The following SMOC2 variants were observed in gnomAD, a reference collection of about 807,000 sequenced individuals.
The protein encoded by SMOC2 is SPARC-related modular calcium-binding protein 2.
In SMOC2, 39 loss-of-function variants were observed where a neutral mutation model predicts 61.4. The observed-to-expected ratio is 0.64, with a 90% CI of 0.49 to 0.83. The LOEUF (loss-of-function observed/expected upper bound fraction) is 0.83, where lower values mean the gene tolerates loss of function less well. Ranked by LOEUF, SMOC2 falls within the 40% of genes least tolerant of loss-of-function variation. The probability of loss-of-function intolerance (pLI) is 0.00; values close to 1 mark genes in which losing one functional copy is unlikely to be tolerated. For synonymous variants in SMOC2, 247 were observed against 239.9 expected, an observed-to-expected ratio of 1.03 and a Z score of -0.27; for missense variants, 556 against 592.9, an observed-to-expected ratio of 0.94 and a Z score of 0.65.
rs1260962447 is a variant in SMOC2, at chr6:168,551,246, C to T, written c.637+2043C>T. 3.3e-5 allele frequency among the ~76,000 whole-genome samples: 5 copies of T among 152,204 alleles called. No individual in the cohort carries two copies. The East Asian group carries it at 7.7e-4, about 24-fold the overall frequency. Reference sequence around the variant, plus strand: ...TGAGGCCTCCCCAGCAATGCTGAACCGTGAGTCCATTAAACCTCTTTCGTT... The same window carrying T: ...TGAGGCCTCCCCAGCAATGCTGAACTGTGAGTCCATTAAACCTCTTTCGTT... On this transcript the variant is annotated intron_variant, in intron 7 of 12. Coordinates refer to ENST00000356284, the MANE Select transcript of SMOC2 (RefSeq NM_001166412.2).
At chr6:168,539,847 C>G (rs1783837484) in intron 4 of SMOC2, among the ~76,000 whole-genome samples, 1 of 152,192 alleles carries the variant, frequency 6.6e-6, no homozygotes. Flanking sequence ...TGCTCAAAGT[C>G]AGCTCTCCTG....
chr6:168,599,311 C>CA lies in SMOC2; in HGVS notation c.824+307_824+308insA, dbSNP rs1562372462. ...ACACACACACATACCACACACACAC[C>CA]CCCACACTGTTTCACACACACTCAT... is the stretch of plus-strand genomic sequence containing the variant. On this transcript the variant is annotated intron_variant, in intron 8 of 12. Transcript: ENST00000356284. 6.4e-3 allele frequency among the ~76,000 whole-genome samples: 695 copies of CA among 108,928 alleles called. 5 individuals carry two copies. Among genetic ancestry groups the CA allele is most frequent in the Non-Finnish European group, 9.9e-3 (503 of 50,760 alleles). The allele number at this position is 108,928 out of a possible 152,430, so 71.5% of individuals were successfully genotyped here.
rs946329188 is a variant in SMOC2, at chr6:168,441,308, TCC to T, written c.-61_-60del. 7 of 1,471,964 alleles carry T rather than the reference TCC, an allele frequency of 4.8e-6. No homozygotes were observed. The Admixed American group carries it at 1.4e-4, about 30-fold the overall frequency. The allele number at this position is 1,471,964 out of a possible 1,614,324, so 91.2% of individuals were successfully genotyped here. A position where few individuals can be genotyped will look rare whatever the true frequency, so the allele number is the denominator to read the frequency against. ...CCAGCCGCGCTCGCCCACTGGGCTC[TCC>T]CGGCTGCAGTGCCAGGGCGCAGGAC... On this transcript the variant is annotated 5_prime_UTR_variant, in exon 1 of 13. Transcript: ENST00000356284.
chr6:168,624,818 T>C (rs9456255), intron 9 of SMOC2, among the ~76,000 whole-genome samples: 5 of 119,114 alleles, frequency 4.2e-5, no homozygotes, highest in East Asian at 2.4e-4. Flanking sequence ...CAGACACACA[T>C]TGACATACAG....
chr6:168,582,188 T>G (rs1380167458), intron 7 of SMOC2, among the ~76,000 whole-genome samples: 1 of 152,186 alleles, frequency 6.6e-6, no homozygotes, highest in Non-Finnish European at 1.5e-5. Context: ...GATGACTTCT[T>G]TATGTCACAG....
At chr6:168,521,475 A>T (rs1203305789) in intron 2 of SMOC2, among the ~76,000 whole-genome samples, 1 of 152,092 alleles carries the variant, frequency 6.6e-6, no homozygotes, top group Non-Finnish European at 1.5e-5. Flanking sequence ...ATATGTAAAC[A>T]AGCTTGTAAT....
intron 2 of SMOC2, among the ~76,000 whole-genome samples, chr6:168,519,196 T>A (rs1179305127): frequency 7.0e-6 from 1 of 142,480 alleles, no homozygotes; most frequent in African/African-American, 2.5e-5. Context: ...CATGTGTATG[T>A]GTGTGTATGC....
At chr6:168,568,978 A>G (rs1784606807) in intron 7 of SMOC2, among the ~76,000 whole-genome samples, 1 of 152,166 alleles carries the variant, frequency 6.6e-6, no homozygotes, top group African/African-American at 2.4e-5. Context: ...GTTGCTCCCA[A>G]TTTTTGACAA....
chr6:168,454,051 G>A (rs1015869421), intron 1 of SMOC2, among the ~76,000 whole-genome samples: 1 of 151,888 alleles, frequency 6.6e-6, no homozygotes, highest in African/African-American at 2.4e-5. Context: ...GTCCATCTCT[G>A]TACTATCTCT....
intron 1 of SMOC2, among the ~76,000 whole-genome samples, chr6:168,504,744 T>C (rs1782821090): frequency 6.6e-6 from 1 of 152,038 alleles, no homozygotes; most frequent in Admixed American, 6.6e-5. Context: ...TTCTGCCCTC[T>C]GGATTTTCAG....
chr6:168,560,496 C>T (rs779107294), intron 7 of SMOC2, among the ~76,000 whole-genome samples: 17 of 149,440 alleles, frequency 1.1e-4, no homozygotes, highest in Non-Finnish European at 1.5e-4. Context: ...CCTTTCTGGC[C>T]CTGAGATGTG....
In SMOC2 at chr6:168,647,892, T is replaced by A. The variant is rs1787083619; in HGVS notation, c.908-2789T>A. ...ATGGGACTGAGCAGGATTGATTTGC[T>A]GCTTCTTGTTTTAGAAGTACATAAT... On this transcript the variant is annotated intron_variant, in intron 9 of 12. Transcript: ENST00000356284. 2.0e-5 allele frequency among the ~76,000 whole-genome samples: 3 copies of A among 152,248 alleles called. No homozygotes were observed. The South Asian group carries it at 6.2e-4, about 31-fold the overall frequency.
intron 9 of SMOC2, among the ~76,000 whole-genome samples, chr6:168,624,838 GACACAGGC>G (rs1233816049): frequency 7.0e-6 from 1 of 142,294 alleles, no homozygotes; most frequent in East Asian, 2.0e-4. Context: ...GAAACACACA[GACACAGGC>G]ACACAGACAC....
At chr6:168,509,121 C>A (rs1033940842) in intron 1 of SMOC2, among the ~76,000 whole-genome samples, 69 of 152,296 alleles carry the variant, frequency 4.5e-4, no homozygotes, top group African/African-American at 1.6e-3. Context: ...GGCCAGCACG[C>A]CCAGATCGGA....
chr6:168,506,101 G>A (rs2749254), intron 1 of SMOC2, among the ~76,000 whole-genome samples: 72,399 of 151,586 alleles, frequency 0.48, 17,947 homozygotes, highest in African/African-American at 0.59. Flanking sequence ...CCCATTCCCC[G>A]GGCTCAAGTG....
chr6:168,558,871 ATGTGTG>A (rs149329004), intron 7 of SMOC2, among the ~76,000 whole-genome samples: 2 of 148,616 alleles, frequency 1.3e-5, no homozygotes, highest in Non-Finnish European at 3.0e-5. Context: ...ATGTGTGTGC[ATGTGTG>A]TGCGTGTGTG....
intron 1 of SMOC2, among the ~76,000 whole-genome samples, chr6:168,467,986 T>A (rs1468701546): frequency 6.6e-6 from 1 of 152,230 alleles, no homozygotes; most frequent in Non-Finnish European, 1.5e-5. Context: ...TATCTGCAAA[T>A]CTATCTACAT....
intron 7 of SMOC2, among the ~76,000 whole-genome samples, chr6:168,589,237 A>G (rs928504798): frequency 6.6e-6 from 1 of 152,234 alleles, no homozygotes; most frequent in Non-Finnish European, 1.5e-5. Context: ...CAATACTTGT[A>G]ATAATTCCTG....
intron 7 of SMOC2, among the ~76,000 whole-genome samples, chr6:168,573,625 C>T (rs1229413797): frequency 6.6e-6 from 1 of 152,146 alleles, no homozygotes; most frequent in Non-Finnish European, 1.5e-5. Flanking sequence ...GGGCAGAGAG[C>T]AGCATGCATG....
Sources: allele counts gnomAD v4.1 joint callset (sites outside exome capture counted in the v4.1 genomes callset), GRCh38; gene constraint gnomAD v4.1.1; transcripts MANE v1.5; gene names NCBI Gene and HGNC (gene_info 2026-07-23, HGNC 2026-07-21).